Variants in ACSL4 observed in about 807,000 individuals in gnomAD.
The protein encoded by ACSL4 is acyl-CoA synthetase long chain family member 4, also known as long-chain-fatty-acid--CoA ligase 4.
A neutral mutation model predicts 49.1 loss-of-function variants in ACSL4; 9 were observed. The observed-to-expected ratio is 0.18, with a 90% CI of 0.11 to 0.32. The LOEUF is 0.32. ACSL4 is among the 10% of genes least tolerant of loss of function. The pLI, the probability that ACSL4 is intolerant of heterozygous loss-of-function variation, is 1.00. For missense variants in ACSL4, 333 were observed against 493.7 expected (o/e 0.67, Z 3.08); for synonymous variants, 191 against 170.3 (o/e 1.12, Z -0.95).
intron 1 of ACSL4, among the ~76,000 whole-genome samples, chrX:109,728,297 C>T (rs935421520): frequency 4.5e-5 from 5 of 112,138 alleles, no homozygotes; most frequent in African/African-American, 1.6e-4. Flanking sequence ...GAAAAGTCTG[C>T]TAAATACATG....
chrX:109,660,910 T>G (rs991227804), intron 14 of ACSL4, among the ~76,000 whole-genome samples: 1 of 110,881 alleles, frequency 9.0e-6, no homozygotes, highest in Non-Finnish European at 1.9e-5. Context: ...AGTAGAATGG[T>G]GGTTCCCAGG....
At chrX:109,644,708 T>C (rs1438698853) in intron 15 of ACSL4, among the ~76,000 whole-genome samples, 3 of 112,690 alleles carry the variant, frequency 2.7e-5, no homozygotes, top group Non-Finnish European at 3.8e-5. Flanking sequence ...AGCTCTGGTC[T>C]ACAGCTCCCA....
intron 1 of ACSL4, among the ~76,000 whole-genome samples, chrX:109,717,569 G>A (rs1927221299): frequency 9.0e-6 from 1 of 111,538 alleles, no homozygotes; most frequent in South Asian, 3.7e-4. Flanking sequence ...GGTTTTCAGG[G>A]CTGCTAATGC....
chrX:109,668,535 A>G (rs1305708454), intron 10 of ACSL4, among the ~76,000 whole-genome samples: 1 of 111,635 alleles, frequency 9.0e-6, no homozygotes, highest in Non-Finnish European at 1.9e-5. Flanking sequence ...CAGACATCAG[A>G]GGTAAAAAAA....
intron 2 of ACSL4, among the ~76,000 whole-genome samples, chrX:109,686,879 C>A (rs930489608): frequency 9.0e-6 from 1 of 110,863 alleles, no homozygotes; most frequent in Non-Finnish European, 1.9e-5. Context: ...TTTTCAAATT[C>A]TTTCTGCAGG....
At chrX:109,646,671 A>C (rs1440968176) in intron 15 of ACSL4, among the ~76,000 whole-genome samples, 2 of 110,370 alleles carry the variant, frequency 1.8e-5, no homozygotes, top group African/African-American at 6.6e-5. Flanking sequence ...ACACATAACA[A>C]TATTAACTTT....
At chrX:109,655,031 G>A (rs1158903367) in intron 15 of ACSL4, among the ~76,000 whole-genome samples, 1 of 111,357 alleles carries the variant, frequency 9.0e-6, no homozygotes, top group East Asian at 2.8e-4. Flanking sequence ...AATATTGCCC[G>A]GGCAAAAGAC....
At chrX:109,656,037 G>T (rs1054974890) in intron 15 of ACSL4, among the ~76,000 whole-genome samples, 2 of 110,784 alleles carry the variant, frequency 1.8e-5, no homozygotes, top group African/African-American at 6.6e-5. Flanking sequence ...GAGTAAACCA[G>T]GAAAGAGACA....
chrX:109,662,371 T>C (rs1330926937), intron 13 of ACSL4, among the ~76,000 whole-genome samples: 2 of 111,321 alleles, frequency 1.8e-5, no homozygotes, highest in Non-Finnish European at 3.8e-5. Flanking sequence ...CCATGGTTCC[T>C]GGTTCAAATT....
intron 15 of ACSL4, among the ~76,000 whole-genome samples, chrX:109,648,884 GACAA>G (rs1381591220): frequency 5.1e-5 from 5 of 97,862 alleles, no homozygotes; most frequent in Middle Eastern, 4.5e-3. Context: ...ACCAACAACA[GACAA>G]ACAGAGAGCC....
chrX:109,654,980 C>T (rs755374497), intron 15 of ACSL4, among the ~76,000 whole-genome samples: 5 of 111,694 alleles, frequency 4.5e-5, no homozygotes, highest in Non-Finnish European at 9.4e-5. Context: ...CTCAATAACT[C>T]CTTTACCTCT....
At position 109,659,401 on chromosome X, in the gene ACSL4, G is replaced by A. The variant is rs1921976997; in HGVS notation, c.1808C>T (p.Ala603Val). 1 of 1,209,051 alleles carries A rather than the reference G, an allele frequency of 8.3e-7. No individual in the cohort carries two copies. Among genetic ancestry groups the A allele is most frequent in the South Asian group, 1.8e-5 (1 of 56,896 alleles). Residue 603 changes from alanine to valine, a missense_variant, in exon 15 of 16, where the codon GCT (alanine) becomes GTT (valine). By Grantham distance (64) the Ala-to-Val change is moderately conservative (BLOSUM62 0). Around this residue, in one of 3 missense-constraint regions of ACSL4, gnomAD observed 175 missense variants for 275.8 expected, o/e 0.63. Coordinates refer to ENST00000672401, the MANE Select transcript of ACSL4 (RefSeq NM_001318510.2). Reference protein sequence around the residue: ...GTWVDICNNPAMEAEILKEIR... With the variant: ...GTWVDICNNPVMEAEILKEIR... ...TTCTTTCAGTATTTCAGCTTCCATA[G>A]CAGGATTATTGCAGATATCAACCCA...
At chrX:109,727,821 T>C (rs769487876) in intron 1 of ACSL4, among the ~76,000 whole-genome samples, 4 of 111,376 alleles carry the variant, frequency 3.6e-5, no homozygotes, top group South Asian at 3.7e-4. Context: ...AGCTCTGATG[T>C]TGTATTGTGA....
At chrX:109,731,749 CAG>C (rs1182943906) in intron 1 of ACSL4, among the ~76,000 whole-genome samples, 1 of 111,501 alleles carries the variant, frequency 9.0e-6, no homozygotes, top group African/African-American at 3.3e-5. Flanking sequence ...ACCTAAATGG[CAG>C]AGAGTGTTAA....
intron 6 of ACSL4, among the ~76,000 whole-genome samples, chrX:109,679,366 A>C (rs1158641896): frequency 8.9e-6 from 1 of 112,564 alleles, no homozygotes; most frequent in African/African-American, 3.2e-5. Context: ...ATATATCATC[A>C]GAATGAAATA....
intron 15 of ACSL4, among the ~76,000 whole-genome samples, chrX:109,648,483 G>A (rs1934846303): frequency 9.0e-6 from 1 of 111,071 alleles, no homozygotes; most frequent in Admixed American, 9.5e-5. Context: ...AACGCTTCAT[G>A]CTAAAAACTC....
At chrX:109,703,578 T>C (rs1038705198) in intron 1 of ACSL4, among the ~76,000 whole-genome samples, 3 of 112,381 alleles carry the variant, frequency 2.7e-5, no homozygotes, top group East Asian at 2.8e-4. Flanking sequence ...AACTGTTTGA[T>C]AGATACCAAA....
chrX:109,705,449 T>C (rs186698690), intron 1 of ACSL4, among the ~76,000 whole-genome samples: 1 of 112,442 alleles, frequency 8.9e-6, no homozygotes, highest in Admixed American at 9.4e-5. Flanking sequence ...TGGTTTGACA[T>C]TTTGTCTGTG....
At chrX:109,677,550 G>A (rs1045599962) in intron 8 of ACSL4, among the ~76,000 whole-genome samples, 1 of 110,444 alleles carries the variant, frequency 9.1e-6, no homozygotes, top group Non-Finnish European at 1.9e-5. Context: ...AGGCCGAGGC[G>A]GACAGATCAC....
Sources: allele counts gnomAD v4.1 joint callset (sites outside exome capture counted in the v4.1 genomes callset), GRCh38; gene constraint gnomAD v4.1.1; regional missense constraint gnomAD v4.1.1; transcripts MANE v1.5; gene names NCBI Gene and HGNC (gene_info 2026-07-23, HGNC 2026-07-21).